Variants in ZNF469 observed in about 807,000 individuals in gnomAD.
ZNF469 encodes the protein zinc finger protein 469.
In ZNF469, 1 loss-of-function variant was observed where a neutral mutation model predicts 1.0. The observed-to-expected ratio is 1.00, with a 90% CI of 0.35 to 4.73. The LOEUF (loss-of-function observed/expected upper bound fraction) is 4.73. Ranked by LOEUF, ZNF469 falls within the 30% of genes most tolerant of loss-of-function variation. The pLI is 0.16. For synonymous variants in ZNF469, 2,703 were observed against 2,363.4 expected, an observed-to-expected ratio of 1.14 and a Z score of -4.17; for missense variants, 6,100 against 5,356.3, an observed-to-expected ratio of 1.14 and a Z score of -4.33.
the ZNF469 span, among the ~76,000 whole-genome samples, chr16:88,314,031 C>G: frequency 1.3e-5 from 2 of 149,060 alleles, no homozygotes; most frequent in Admixed American, 6.7e-5. Flanking sequence ...TCAGGCAGTG[C>G]TGGTGTGGGC....
At chr16:88,159,805 C>G in the ZNF469 span, among the ~76,000 whole-genome samples, 3 of 152,136 alleles carry the variant, frequency 2.0e-5, no homozygotes, top group South Asian at 6.2e-4. Flanking sequence ...TCCCTTGTCA[C>G]CAGCGGTGGG....
the ZNF469 span, among the ~76,000 whole-genome samples, chr16:88,166,159 G>T: frequency 7.2e-5 from 11 of 152,152 alleles, no homozygotes; most frequent in Non-Finnish European, 1.6e-4. The surrounding 1 kb of genome is among the most constrained non-coding windows in gnomAD (Gnocchi z 4.5). Flanking sequence ...GCATTTTCTT[G>T]TGAAGAAGTT....
chr16:88,309,366 C>A, the ZNF469 span, among the ~76,000 whole-genome samples: 1 of 152,064 alleles, frequency 6.6e-6, no homozygotes, highest in East Asian at 1.9e-4. Flanking sequence ...GGGGGGAGTG[C>A]CCTCTGAGGT....
upstream of ZNF469, among the ~76,000 whole-genome samples, chr16:88,382,230 G>C (rs2092527168): frequency 6.6e-6 from 1 of 152,156 alleles, no homozygotes; most frequent in South Asian, 2.1e-4. Flanking sequence ...CTGGGCCAGG[G>C]GGCTCTGCCT....
the ZNF469 span, among the ~76,000 whole-genome samples, chr16:88,290,236 A>C: frequency 7.2e-5 from 11 of 152,342 alleles, no homozygotes; most frequent in East Asian, 1.9e-3. Flanking sequence ...TTTCCTGTGC[A>C]GCTGATGGAC....
At chr16:88,216,249 A>C in the ZNF469 span, among the ~76,000 whole-genome samples, 2 of 152,182 alleles carry the variant, frequency 1.3e-5, no homozygotes, top group African/African-American at 2.4e-5. Context: ...TAATCCCAGC[A>C]CTTTGGGAGG....
chr16:88,366,129 C>CACG, the ZNF469 span, among the ~76,000 whole-genome samples: 2 of 149,136 alleles, frequency 1.3e-5, no homozygotes, highest in African/African-American at 5.1e-5. Context: ...CCATCATCAC[C>CACG]ATCATCATCA....
rs1327525150 is a variant in ZNF469, at chr16:88,432,386, G to A, written c.4916G>A (p.Gly1639Asp). Residue 1639 changes from glycine (G) to aspartate (D), a missense_variant, in exon 3 of 3, where the codon GGT becomes GAT. By Grantham distance (94) the Gly-to-Asp change is moderately conservative. Coordinates refer to ENST00000565624, the MANE Select transcript of ZNF469 (RefSeq NM_001367624.2). ...GGAGAATCCACTGCACATCGGGAGG[G>A]TGCGGAATCGGCTGTGGCCACCGTG... ...RVGESTAHREGAESAVATVEA... is the reference protein window; with the variant it reads ...RVGESTAHREDAESAVATVEA... The A allele has an allele frequency of 1.9e-6, 3 of 1,549,384 alleles. No homozygotes were observed. The highest frequency in any genetic ancestry group is 8.7e-7 in the Non-Finnish European group (1 of 1,146,712).
intron 1 of ZNF469, among the ~76,000 whole-genome samples, chr16:88,398,993 C>T (rs1481761704): frequency 6.6e-6 from 1 of 152,230 alleles, no homozygotes; most frequent in Non-Finnish European, 1.5e-5. Context: ...GATAAGAAAA[C>T]ACAGCATAGA....
the ZNF469 span, among the ~76,000 whole-genome samples, chr16:88,199,608 C>T: frequency 1.3e-5 from 2 of 152,172 alleles, no homozygotes; most frequent in Admixed American, 6.5e-5. Flanking sequence ...CAGAACCAGC[C>T]GGCTCGGACC....
At chr16:88,350,598 G>T in the ZNF469 span, among the ~76,000 whole-genome samples, 263 of 152,356 alleles carry the variant, frequency 1.7e-3, 1 homozygote, top group African/African-American at 6.0e-3. Flanking sequence ...TGTGGTGGGC[G>T]GAATAAGATC....
chr16:88,273,023 T>C, the ZNF469 span, among the ~76,000 whole-genome samples: 10 of 150,134 alleles, frequency 6.7e-5, no homozygotes, highest in Non-Finnish European at 1.2e-4. Flanking sequence ...GACGGATGGA[T>C]GAATGGGTGG....
the ZNF469 span, among the ~76,000 whole-genome samples, chr16:88,330,326 T>C: frequency 6.6e-6 from 1 of 152,220 alleles, no homozygotes; most frequent in African/African-American, 2.4e-5. Flanking sequence ...TACTGTCGGA[T>C]ACGGTCCTGG....
chr16:88,111,132 C>G, the ZNF469 span, among the ~76,000 whole-genome samples: 2 of 152,224 alleles, frequency 1.3e-5, no homozygotes, highest in Non-Finnish European at 2.9e-5. Flanking sequence ...CGCCCCATGT[C>G]AAACCATTTC....
the ZNF469 span, among the ~76,000 whole-genome samples, chr16:88,138,688 C>T: frequency 6.6e-6 from 1 of 152,216 alleles, no homozygotes; most frequent in Non-Finnish European, 1.5e-5. Flanking sequence ...CCAAATTCAC[C>T]TCTTCCTGAT....
At chr16:88,113,465 C>T in the ZNF469 span, among the ~76,000 whole-genome samples, 1 of 152,192 alleles carries the variant, frequency 6.6e-6, no homozygotes, top group African/African-American at 2.4e-5. Flanking sequence ...GCTTCTGGCG[C>T]TTTGACACCT....
the ZNF469 span, among the ~76,000 whole-genome samples, chr16:88,315,488 G>C: frequency 2.6e-5 from 4 of 152,234 alleles, no homozygotes; most frequent in Non-Finnish European, 5.9e-5. Flanking sequence ...GCTTCTGTTT[G>C]TTCTTTGCAG....
At chr16:88,137,615 C>G in the ZNF469 span, among the ~76,000 whole-genome samples, 4 of 152,074 alleles carry the variant, frequency 2.6e-5, no homozygotes, top group Non-Finnish European at 5.9e-5. Context: ...GCTATGCGTG[C>G]ATACCACCAC....
the ZNF469 span, among the ~76,000 whole-genome samples, chr16:88,319,546 G>T: frequency 6.6e-6 from 1 of 152,156 alleles, no homozygotes; most frequent in African/African-American, 2.4e-5. Context: ...CATGTGCAGC[G>T]CCTCTCAGAG....
Sources: gnomAD v4.1 joint callset for allele counts (sites outside exome capture counted in the v4.1 genomes callset) on GRCh38, gnomAD v4.1.1 for gene constraint, Gnocchi (gnomAD v3.1) non-coding constraint, MANE v1.5 for transcripts, NCBI Gene and HGNC (gene_info 2026-07-23, HGNC 2026-07-21) for gene names.